The following CLVS1 variants were observed in gnomAD, a reference collection of about 807,000 sequenced individuals.
CLVS1 encodes clavesin-1.
In CLVS1, 10 loss-of-function variants were observed where a neutral mutation model predicts 33.1. The observed-to-expected ratio is 0.30, with a 90% CI of 0.19 to 0.51. CLVS1 has a LOEUF of 0.51. CLVS1 is among the 20% of genes least tolerant of loss of function. CLVS1 has a pLI of 0.97. For missense variants in CLVS1, 343 were observed against 433.4 expected (o/e 0.79, Z 1.85); for synonymous variants, 163 against 166.1 (o/e 0.98, Z 0.14).
At chr8:61,420,072 A>T (rs1394612543) in intron 3 of CLVS1, among the ~76,000 whole-genome samples, 2 of 152,196 alleles carry the variant, frequency 1.3e-5, no homozygotes, top group Non-Finnish European at 2.9e-5. Flanking sequence ...CTTTTATTTC[A>T]TGGAACTCAT....
intron 2 of CLVS1, among the ~76,000 whole-genome samples, chr8:61,237,976 C>A (rs1428273820): frequency 6.6e-6 from 1 of 152,084 alleles, no homozygotes; most frequent in African/African-American, 2.4e-5. Flanking sequence ...GGCATCCAAG[C>A]CGAGGCTGAA....
At chr8:61,014,998 A>G in the CLVS1 span, among the ~76,000 whole-genome samples, 3 of 152,266 alleles carry the variant, frequency 2.0e-5, no homozygotes, top group Admixed American at 1.3e-4. Context: ...AAGAAGGCCA[A>G]TGGCCACAAT....
chr8:61,487,916 G>T (rs1214011590), intron 5 of CLVS1, among the ~76,000 whole-genome samples: 3 of 152,166 alleles, frequency 2.0e-5, no homozygotes, highest in African/African-American at 7.2e-5. Flanking sequence ...TTTTCTACCT[G>T]CTTCAGAACA....
the CLVS1 span, among the ~76,000 whole-genome samples, chr8:60,983,019 G>A: frequency 7.9e-5 from 12 of 152,240 alleles, no homozygotes; most frequent in East Asian, 1.5e-3. Context: ...AAAGACTTAC[G>A]CTAGCTGGTA....
the CLVS1 span, among the ~76,000 whole-genome samples, chr8:60,976,758 T>C: frequency 1.2e-4 from 19 of 152,374 alleles, no homozygotes; most frequent in African/African-American, 4.6e-4. Context: ...ACCGCCCTCA[T>C]CCCCTAGCCC....
Position 61,301,466 on chromosome 8 carries a change from G to A in CLVS1, c.455+1184G>A, listed in dbSNP as rs112412887. Among the ~76,000 whole-genome samples the A allele has an allele frequency of 5.6e-4, 85 of 152,148 alleles. 1 individual carries two copies. The Middle Eastern group carries it at 0.01, about 18-fold the overall frequency. ...CCCTCCCAACCCTGTTTTCTCAGGC[G>A]CCCCACCTCTGTTTATGTTTCTACT... On this transcript the variant is annotated intron_variant, in intron 2 of 5. Coordinates refer to ENST00000325897, the MANE Select transcript of CLVS1 (RefSeq NM_173519.3).
At chr8:61,247,688 A>G (rs979512844) in intron 2 of CLVS1, among the ~76,000 whole-genome samples, 2 of 152,126 alleles carry the variant, frequency 1.3e-5, no homozygotes, top group Admixed American at 6.5e-5. Context: ...TAGGTGCTGG[A>G]TATTAGACCT....
chr8:61,297,100 G>A (rs925077975), intron 1 of CLVS1, among the ~76,000 whole-genome samples: 5 of 152,170 alleles, frequency 3.3e-5, no homozygotes, highest in African/African-American at 1.2e-4. Flanking sequence ...AAGGTGAGAA[G>A]AAGCTGCCGA....
chr8:61,174,325 G>A (rs1357694140), intron 2 of CLVS1, among the ~76,000 whole-genome samples: 1 of 152,016 alleles, frequency 6.6e-6, no homozygotes. Context: ...TATTCAAAAA[G>A]TTAAGTCATA....
chr8:61,302,653 G>A (rs1012176391), intron 2 of CLVS1, among the ~76,000 whole-genome samples: 2 of 152,110 alleles, frequency 1.3e-5, no homozygotes, highest in African/African-American at 4.8e-5. Context: ...TTAACATTTT[G>A]GATTTTGAAA....
At chr8:61,067,668 A>G (rs6981535) in intron 1 of CLVS1, among the ~76,000 whole-genome samples, 6,110 of 152,134 alleles carry the variant, frequency 0.04, 431 homozygotes, top group African/African-American at 0.14. Context: ...CCAGGAGTTC[A>G]AGGCCAGCCT....
intron 2 of CLVS1, among the ~76,000 whole-genome samples, chr8:61,302,262 G>T (rs1441695769): frequency 1.3e-5 from 2 of 151,718 alleles, no homozygotes; most frequent in Non-Finnish European, 2.9e-5. Context: ...TTTCTACTCT[G>T]TTATTCTGTA....
At chr8:61,026,171 G>A in the CLVS1 span, among the ~76,000 whole-genome samples, 1 of 152,130 alleles carries the variant, frequency 6.6e-6, no homozygotes, top group African/African-American at 2.4e-5. Flanking sequence ...ATCCAATATG[G>A]TGAGTGTTCT....
At chr8:60,966,856 G>A in the CLVS1 span, among the ~76,000 whole-genome samples, 1 of 152,156 alleles carries the variant, frequency 6.6e-6, no homozygotes, top group East Asian at 1.9e-4. Context: ...ACATGACATT[G>A]GGTGGAGAGA....
chr8:61,337,353 T>C (rs1023965787), intron 2 of CLVS1, among the ~76,000 whole-genome samples: 2 of 152,320 alleles, frequency 1.3e-5, no homozygotes, highest in East Asian at 1.9e-4. Context: ...TTTCTCTGTA[T>C]ACTTTCAGTT....
At chr8:61,214,916 A>C (rs1474006177) in intron 2 of CLVS1, among the ~76,000 whole-genome samples, 1 of 152,200 alleles carries the variant, frequency 6.6e-6, no homozygotes, top group Non-Finnish European at 1.5e-5. Flanking sequence ...AGGATGGCTC[A>C]TTTTGAATAC....
chr8:61,259,816 T>A (rs1324704686), intron 2 of CLVS1, among the ~76,000 whole-genome samples: 1 of 152,212 alleles, frequency 6.6e-6, no homozygotes, highest in Non-Finnish European at 1.5e-5. Context: ...ATTGGCGGTG[T>A]GGCAGGCTGC....
chr8:61,017,016 AG>A, the CLVS1 span, among the ~76,000 whole-genome samples: 1 of 152,222 alleles, frequency 6.6e-6, no homozygotes, highest in Non-Finnish European at 1.5e-5. Context: ...AATAGCACAA[AG>A]CAGGAAATCT....
the CLVS1 span, among the ~76,000 whole-genome samples, chr8:61,035,187 C>CTTTTTTTTTTTTTTTTTTTTTTTTTTT: frequency 2.3e-5 from 3 of 129,408 alleles, no homozygotes; most frequent in Admixed American, 8.1e-5. Flanking sequence ...TTTCTTTTTT[C>CTTTTTTTTTTTTTTTTTTTTTTTTTTT]TTTTTTTTTT....
Sources: allele counts gnomAD v4.1 joint callset (sites outside exome capture counted in the v4.1 genomes callset), GRCh38; gene constraint gnomAD v4.1.1; transcripts MANE v1.5; gene names NCBI Gene and HGNC (gene_info 2026-07-23, HGNC 2026-07-21).